The following MSRA variants were observed in gnomAD, a reference collection of about 807,000 sequenced individuals.
MSRA encodes the protein methionine sulfoxide reductase A.
A neutral mutation model predicts 31.3 loss-of-function variants in MSRA; 54 were observed. The ratio of observed to expected loss-of-function variants is 1.73; its 90% CI spans 1.39 to 2.17. The LOEUF is 2.17. Ranked by LOEUF, MSRA falls within the 30% of genes most tolerant of loss-of-function variation. The probability of loss-of-function intolerance (pLI) is 0.00; values close to 1 mark genes in which losing one functional copy is unlikely to be tolerated. For synonymous variants in MSRA, 169 were observed against 116.5 expected, an observed-to-expected ratio of 1.45 and a Z score of -2.90; for missense variants, 507 against 300.9, an observed-to-expected ratio of 1.69 and a Z score of -5.07.
intron 2 of MSRA, among the ~76,000 whole-genome samples, chr8:10,218,971 T>C (rs1371795104): frequency 1.3e-5 from 2 of 152,136 alleles, no homozygotes; most frequent in African/African-American, 4.8e-5. Flanking sequence ...AGCAGCGATC[T>C]TCTCTCTCGT....
At chr8:10,152,700 TA>T (rs1054905121) in intron 1 of MSRA, among the ~76,000 whole-genome samples, 1 of 152,182 alleles carries the variant, frequency 6.6e-6, no homozygotes, top group African/African-American at 2.4e-5. Flanking sequence ...AGGAGGTTGT[TA>T]AAAATGAGTA....
intron 2 of MSRA, among the ~76,000 whole-genome samples, chr8:10,230,074 A>T (rs565637441): frequency 6.6e-6 from 1 of 152,318 alleles, no homozygotes; most frequent in African/African-American, 2.4e-5. Flanking sequence ...GATTTTTTCC[A>T]CCCGAGGAGC....
chr8:10,158,832 A>G (rs1046911939), intron 1 of MSRA, among the ~76,000 whole-genome samples: 5 of 152,020 alleles, frequency 3.3e-5, no homozygotes, highest in African/African-American at 1.2e-4. Context: ...TAGGTGTGCT[A>G]TTTTTCAGTC....
chr8:10,124,392 C>T (rs1450547835), intron 1 of MSRA, among the ~76,000 whole-genome samples: 1 of 152,156 alleles, frequency 6.6e-6, no homozygotes, highest in Admixed American at 6.5e-5. Flanking sequence ...TTCTTTGGGG[C>T]AAACCAGACC....
chr8:10,366,470 T>C (rs1805172791), intron 5 of MSRA, among the ~76,000 whole-genome samples: 1 of 152,230 alleles, frequency 6.6e-6, no homozygotes, highest in Non-Finnish European at 1.5e-5. Flanking sequence ...TGGCAAGCAT[T>C]ACCCTGACAG....
intron 1 of MSRA, among the ~76,000 whole-genome samples, chr8:10,100,726 A>T (rs1317170237): frequency 1.3e-5 from 2 of 152,172 alleles, no homozygotes; most frequent in Non-Finnish European, 2.9e-5. Flanking sequence ...AGTTGTGCTC[A>T]GGTTATTTTA....
intron 3 of MSRA, chr8:10,250,695 G>T (rs1797870583): frequency 7.3e-6 from 4 of 549,416 alleles, no homozygotes; most frequent in Non-Finnish European, 1.3e-5. Context: ...CCCTCTGGGG[G>T]TGGTGATGGA....
At chr8:10,327,955 C>G (rs980126714) in intron 5 of MSRA, among the ~76,000 whole-genome samples, 4 of 151,532 alleles carry the variant, frequency 2.6e-5, no homozygotes, top group African/African-American at 9.7e-5. Flanking sequence ...ACAAAAAAAC[C>G]TACTCACCTG....
chr8:10,352,556 G>A (rs1011941725), intron 5 of MSRA, among the ~76,000 whole-genome samples: 7 of 152,074 alleles, frequency 4.6e-5, no homozygotes, highest in African/African-American at 1.2e-4. Flanking sequence ...GGAGAAGATT[G>A]CAGCTGCAAT....
chr8:10,253,162 G>C (rs1319751900), intron 3 of MSRA, among the ~76,000 whole-genome samples: 1 of 152,144 alleles, frequency 6.6e-6, no homozygotes, highest in Non-Finnish European at 1.5e-5. Context: ...GGTAAAAAGA[G>C]GCATTTAGTG....
intron 4 of MSRA, among the ~76,000 whole-genome samples, chr8:10,315,835 CAA>C (rs140209606): frequency 8.5e-4 from 130 of 152,262 alleles, no homozygotes; most frequent in African/African-American, 3.1e-3. Context: ...CATGGAGTCC[CAA>C]AAGACATTCT....
At chr8:10,089,050 A>G (rs1798726278) in intron 1 of MSRA, among the ~76,000 whole-genome samples, 1 of 152,190 alleles carries the variant, frequency 6.6e-6, no homozygotes, top group Non-Finnish European at 1.5e-5. Flanking sequence ...TATTGGACAA[A>G]TGAGAGATCT....
At chr8:10,165,951 C>T (rs1039032090) in intron 1 of MSRA, among the ~76,000 whole-genome samples, 6 of 152,180 alleles carry the variant, frequency 3.9e-5, no homozygotes, top group African/African-American at 1.4e-4. Flanking sequence ...GGCCTGGTCC[C>T]TGGAATAGCT....
At chr8:10,147,426 C>G (rs984181819) in intron 1 of MSRA, among the ~76,000 whole-genome samples, 6 of 152,192 alleles carry the variant, frequency 3.9e-5, no homozygotes, top group African/African-American at 1.4e-4. Context: ...CCACCTCTGT[C>G]CCCATGTCCT....
chr8:10,182,499 C>A (rs1030316594), intron 1 of MSRA, among the ~76,000 whole-genome samples: 16 of 152,226 alleles, frequency 1.1e-4, no homozygotes, highest in African/African-American at 3.4e-4. Flanking sequence ...GAAGGCTCAA[C>A]TGGGGAAGGA....
chr8:10,313,653 C>T (rs1193063805), intron 4 of MSRA, among the ~76,000 whole-genome samples: 3 of 152,116 alleles, frequency 2.0e-5, no homozygotes, highest in Non-Finnish European at 1.5e-5. Flanking sequence ...TTGTTGTCGT[C>T]AGTGTTGTTG....
At chr8:10,076,930 C>G (rs7017289) in intron 1 of MSRA, among the ~76,000 whole-genome samples, 1 of 151,536 alleles carries the variant, frequency 6.6e-6, no homozygotes, top group Non-Finnish European at 1.5e-5. Context: ...AAAAAAAAAG[C>G]TAATGCCTGC....
At chr8:10,426,703 A>G (rs1809188406) in intron 5 of MSRA, among the ~76,000 whole-genome samples, 1 of 152,244 alleles carries the variant, frequency 6.6e-6, no homozygotes, top group Non-Finnish European at 1.5e-5. Context: ...ACAGTATCTG[A>G]TACACACTTT....
chr8:10,128,151 G>A (rs916380966), intron 1 of MSRA, among the ~76,000 whole-genome samples: 1 of 152,078 alleles, frequency 6.6e-6, no homozygotes, highest in Non-Finnish European at 1.5e-5. Context: ...GCCGAGGCAG[G>A]TGGATCACCC....
Sources: gnomAD v4.1 joint callset for allele counts (sites outside exome capture counted in the v4.1 genomes callset) on GRCh38, gnomAD v4.1.1 for gene constraint, MANE v1.5 for transcripts, NCBI Gene and HGNC (gene_info 2026-07-23, HGNC 2026-07-21) for gene names.